The following RALGAPA2 variants were observed in gnomAD, a reference collection of about 807,000 sequenced individuals.
RALGAPA2 encodes the protein Ral GTPase activating protein catalytic subunit alpha 2, also known as ral GTPase-activating protein subunit alpha-2.
Under a neutral mutation model 230.4 loss-of-function variants are expected in RALGAPA2, and 139 were observed. The observed-to-expected ratio is 0.60, with a 90% CI of 0.53 to 0.69. The LOEUF is 0.69. Among genes scored for constraint, RALGAPA2 ranks in the 30% least tolerant of loss-of-function variants. The pLI is 0.00. For missense variants in RALGAPA2, 2,163 were observed against 2,276.0 expected, an observed-to-expected ratio of 0.95 and a Z score of 1.01; for synonymous variants, 847 against 837.8, an observed-to-expected ratio of 1.01 and a Z score of -0.19.
At chr20:20,539,972 GGA>G (rs1158415088) in intron 24 of RALGAPA2, among the ~76,000 whole-genome samples, 1 of 152,200 alleles carries the variant, frequency 6.6e-6, no homozygotes. Context: ...ACACTCCACT[GGA>G]GATATGTACC....
intron 23 of RALGAPA2, among the ~76,000 whole-genome samples, chr20:20,551,054 C>T (rs2063910396): frequency 6.6e-6 from 1 of 152,174 alleles, no homozygotes; most frequent in African/African-American, 2.4e-5. Flanking sequence ...TCAAGCAACA[C>T]CCTTAACAAA....
intron 37 of RALGAPA2, among the ~76,000 whole-genome samples, chr20:20,458,089 C>T (rs532425643): frequency 6.6e-6 from 1 of 152,258 alleles, no homozygotes; most frequent in African/African-American, 2.4e-5. Context: ...GTCAGCAATG[C>T]GCCCTTAGCC....
At chr20:20,429,178 T>A (rs188372590) in intron 37 of RALGAPA2, among the ~76,000 whole-genome samples, 24 of 152,326 alleles carry the variant, frequency 1.6e-4, no homozygotes, top group Admixed American at 9.2e-4. Context: ...AGTGATGCTC[T>A]GAGACCACCC....
At chr20:20,438,892 C>T (rs1433168410) in intron 37 of RALGAPA2, among the ~76,000 whole-genome samples, 1 of 152,094 alleles carries the variant, frequency 6.6e-6, no homozygotes, top group Admixed American at 6.5e-5. Flanking sequence ...GAAAAAAAGG[C>T]GTAAAATTGT....
chr20:20,619,316 T>C lies in RALGAPA2; in HGVS notation c.1500A>G (p.Glu500=), dbSNP rs2066251150. The change falls in exon 12 of 40, where the codon GAA becomes GAG. Residue 500 remains glutamate (E), a synonymous_variant. Coordinates refer to ENST00000202677, the MANE Select transcript of RALGAPA2 (RefSeq NM_020343.4). The part of the protein sequence containing the change: ...AMSRGCVTEE[E]NTNVKAGVQA... ...GGACGCCGGCTTTCACATTTGTATT[T>C]TCCTCCTCTGTCACACACCCTCTGC... 6.2e-7 allele frequency: 1 copy of C among 1,611,270 alleles called. No homozygotes were observed. Among genetic ancestry groups the C allele is most frequent in the Admixed American group, 1.7e-5 (1 of 59,962 alleles).
chr20:20,676,185 C>T, intron 3 of RALGAPA2, 51 bp downstream of exon 3: 1 of 1,225,168 alleles, frequency 8.2e-7, no homozygotes, highest in Non-Finnish European at 1.1e-6. Flanking sequence ...ATCAAAAATA[C>T]TTTATTTCCA....
At chr20:20,405,215 C>G (rs1022552968) in intron 38 of RALGAPA2, among the ~76,000 whole-genome samples, 2 of 152,198 alleles carry the variant, frequency 1.3e-5, no homozygotes, top group Non-Finnish European at 2.9e-5. Flanking sequence ...CCCAACTGGC[C>G]TAAACCACTG....
At chr20:20,541,829 T>A (rs1371297587) in intron 24 of RALGAPA2, among the ~76,000 whole-genome samples, 1 of 152,206 alleles carries the variant, frequency 6.6e-6, no homozygotes, top group Non-Finnish European at 1.5e-5. Flanking sequence ...ATGACCACCA[T>A]GTGTGATATT....
intron 37 of RALGAPA2, among the ~76,000 whole-genome samples, chr20:20,414,017 T>A (rs2060116587): frequency 6.6e-6 from 1 of 152,270 alleles, no homozygotes; most frequent in Non-Finnish European, 1.5e-5. Flanking sequence ...CCTCCGTGCA[T>A]GGCCCCAGCA....
At chr20:20,640,964 A>T in intron 5 of RALGAPA2, 86 bp from the exon 6 acceptor site, 1 of 1,232,818 alleles carries the variant, frequency 8.1e-7, no homozygotes, top group Non-Finnish European at 1.1e-6. Flanking sequence ...GAGAAAGAAA[A>T]ACTACAAGTT....
intron 10 of RALGAPA2, among the ~76,000 whole-genome samples, chr20:20,626,680 C>T (rs1349045724): frequency 1.3e-5 from 2 of 152,192 alleles, no homozygotes; most frequent in African/African-American, 2.4e-5. Context: ...AAAAGCCTTG[C>T]TAATGTCATC....
intron 35 of RALGAPA2, among the ~76,000 whole-genome samples, chr20:20,496,785 T>C (rs1446841874): frequency 6.6e-6 from 1 of 152,210 alleles, no homozygotes; most frequent in Non-Finnish European, 1.5e-5. Context: ...TCTTTTCTGT[T>C]TATAAGGTTA....
chr20:20,422,985 G>A (rs1348076061), intron 37 of RALGAPA2, among the ~76,000 whole-genome samples: 2 of 152,182 alleles, frequency 1.3e-5, no homozygotes, highest in African/African-American at 2.4e-5. Flanking sequence ...TGGAATCTCC[G>A]AAGGTTTTAA....
chr20:20,462,723 G>A (rs748059274), intron 37 of RALGAPA2, among the ~76,000 whole-genome samples: 9 of 152,194 alleles, frequency 5.9e-5, no homozygotes, highest in East Asian at 5.8e-4. Flanking sequence ...ACTCCAGCAC[G>A]GAAACCTGCT....
intron 39 of RALGAPA2, among the ~76,000 whole-genome samples, chr20:20,394,719 G>A (rs1446942154): frequency 1.3e-5 from 2 of 151,994 alleles, no homozygotes; most frequent in African/African-American, 4.8e-5. Context: ...TCATCCACAA[G>A]AGAAGCTAGA....
intron 16 of RALGAPA2, 69 bp from the exon 17 acceptor site, chr20:20,591,383 C>T (rs1468805096): frequency 1.4e-6 from 2 of 1,475,002 alleles, no homozygotes; most frequent in Non-Finnish European, 1.8e-6. Flanking sequence ...CCACTTAAAA[C>T]AACCGATTTA....
At chr20:20,404,935 G>A (rs1187334166) in intron 38 of RALGAPA2, among the ~76,000 whole-genome samples, 1 of 152,212 alleles carries the variant, frequency 6.6e-6, no homozygotes, top group Admixed American at 6.5e-5. Context: ...AATACTCCCA[G>A]CACCAGCCCC....
chr20:20,426,671 G>A (rs1422693043), intron 37 of RALGAPA2, among the ~76,000 whole-genome samples: 3 of 152,120 alleles, frequency 2.0e-5, no homozygotes, highest in Non-Finnish European at 4.4e-5. Context: ...TAATCTCAGA[G>A]ATCATCAGCA....
Position 20,596,512 on chromosome 20 carries a change from T to A in RALGAPA2, c.2203+5170A>T, listed in dbSNP as rs1036024651. ...GGAGGGCAAATTCAATACTCTAATG[T>A]GCCAACCAGTGGAGAATATACAATC... is the stretch of plus-strand genomic sequence containing the variant. On this transcript the variant is annotated intron_variant, in intron 16 of 39. Transcript: ENST00000202677. Among the ~76,000 whole-genome samples, 6 of 152,274 alleles carry A rather than the reference T, an allele frequency of 3.9e-5. No individual in the cohort carries two copies. In the East Asian group the frequency reaches 1.2e-3, roughly 29 times the overall value.
Sources: allele counts gnomAD v4.1 joint callset (sites outside exome capture counted in the v4.1 genomes callset), GRCh38; gene constraint gnomAD v4.1.1; transcripts MANE v1.5; gene names NCBI Gene and HGNC (gene_info 2026-07-23, HGNC 2026-07-21).